The following ABCD3 variants were observed in gnomAD, a reference collection of about 807,000 sequenced individuals.
ABCD3 encodes the protein ATP-binding cassette sub-family D member 3.
In ABCD3, 41 loss-of-function variants were observed where a neutral mutation model predicts 105.5. The observed-to-expected ratio is 0.39, with a 90% confidence interval of 0.30 to 0.50. The LOEUF (loss-of-function observed/expected upper bound fraction) is 0.50, where lower values mean the gene tolerates loss of function less well. Among genes scored for constraint, ABCD3 ranks in the 20% least tolerant of loss-of-function variants. The pLI, the probability that ABCD3 is intolerant of heterozygous loss-of-function variation, is 0.84. For synonymous variants in ABCD3, 258 were observed against 269.0 expected, an observed-to-expected ratio of 0.96 and a Z score of 0.40; for missense variants, 622 against 806.3, an observed-to-expected ratio of 0.77 and a Z score of 2.77.
the ABCD3 span, among the ~76,000 whole-genome samples, chr1:94,398,287 T>C: frequency 6.6e-6 from 1 of 152,214 alleles, no homozygotes; most frequent in African/African-American, 2.4e-5. Context: ...TGCTGACTTG[T>C]AACTTCATTT....
intron 16 of ABCD3, among the ~76,000 whole-genome samples, chr1:94,491,586 T>C (rs558310919): frequency 6.6e-6 from 1 of 152,144 alleles, no homozygotes; most frequent in Non-Finnish European, 1.5e-5. Flanking sequence ...ACTTATGGTG[T>C]GGCTGGTATT....
chr1:94,506,523 T>C lies in ABCD3; in HGVS notation c.1741-15T>C, dbSNP rs377197936. 1.1e-3 allele frequency: 1,786 copies of C among 1,594,640 alleles called. 3 individuals are homozygous for C. Among genetic ancestry groups the C allele is most frequent in the South Asian group, 2.6e-3 (232 of 90,704 alleles). ...CTGCCTGTGTTTTACACAAAAAATT[T>C]TTTTTATGCTTCAGATGGCAAGATT... is the stretch of plus-strand genomic sequence containing the variant. On this transcript the variant is annotated splice_polypyrimidine_tract_variant and intron_variant, in intron 20 of 22. Coordinates refer to ENST00000370214, the MANE Select transcript of ABCD3 (RefSeq NM_002858.4).
chr1:94,478,692 T>C, intron 8 of ABCD3: 3 of 954,698 alleles, frequency 3.1e-6, no homozygotes, highest in Non-Finnish European at 4.4e-6. Context: ...CTTTAAAAAA[T>C]AATAATAAAA....
intron 1 of ABCD3, among the ~76,000 whole-genome samples, chr1:94,427,515 A>G (rs1659511426): frequency 1.3e-5 from 2 of 152,178 alleles, no homozygotes. Flanking sequence ...TCCTAGGATC[A>G]ACATCACACT....
intron 1 of ABCD3, among the ~76,000 whole-genome samples, chr1:94,446,329 C>A (rs1414516655): frequency 6.6e-6 from 1 of 152,178 alleles, no homozygotes; most frequent in Non-Finnish European, 1.5e-5. Flanking sequence ...CCTGGGGAAC[C>A]CCTGCAAAAG....
At chr1:94,453,468 G>A (rs1246688976) in intron 1 of ABCD3, among the ~76,000 whole-genome samples, 3 of 151,632 alleles carry the variant, frequency 2.0e-5, no homozygotes, top group East Asian at 1.9e-4. Flanking sequence ...ACAGGTGCCC[G>A]CCACCTCGCC....
chr1:94,485,584 C>T (rs1466455512), intron 10 of ABCD3, among the ~76,000 whole-genome samples: 1 of 152,136 alleles, frequency 6.6e-6, no homozygotes, highest in African/African-American at 2.4e-5. Context: ...ATTTTCAGCC[C>T]AAATGTTAAC....
At chr1:94,402,830 T>C in the ABCD3 span, among the ~76,000 whole-genome samples, 1 of 152,108 alleles carries the variant, frequency 6.6e-6, no homozygotes. Flanking sequence ...TACTTTAAGT[T>C]TTAGGGTACA....
chr1:94,488,972 C>T (rs946450251), intron 13 of ABCD3, among the ~76,000 whole-genome samples: 1 of 151,738 alleles, frequency 6.6e-6, no homozygotes, highest in Admixed American at 6.6e-5. Context: ...TTAGTGTATA[C>T]AATTTGATGA....
chr1:94,473,849 A>G lies in ABCD3; in HGVS notation c.405+14A>G. On this transcript the variant is annotated intron_variant, in intron 5 of 22. Transcript: ENST00000370214. ...GCCATGCCTCTTGTAAGTTTAATTC[A>G]TTAAAAATCTTTTTAACACGGGAAA... 3 of 1,606,116 alleles carry G rather than the reference A, an allele frequency of 1.9e-6. No individual in the cohort carries two copies. Among genetic ancestry groups the G allele is most frequent in the Non-Finnish European group, 1.7e-6 (2 of 1,173,582 alleles).
Position 94,489,295 on chromosome 1 carries a change from G to A in ABCD3, c.1158-430G>A, listed in dbSNP as rs140981986. On this transcript the variant is annotated intron_variant, in intron 13 of 22. Coordinates refer to ENST00000370214, the MANE Select transcript of ABCD3 (RefSeq NM_002858.4). Reference sequence around the variant, plus strand: ...GTTTGCAGGAAGGCAGCATGCATTCGGCATACATTTAATAAATGCCTTCCT... The same window carrying A: ...GTTTGCAGGAAGGCAGCATGCATTCAGCATACATTTAATAAATGCCTTCCT... 5.7e-3 allele frequency among the ~76,000 whole-genome samples: 868 copies of A among 152,036 alleles called. 9 individuals carry two copies. The highest frequency in any genetic ancestry group is 0.02 in the African/African-American group (811 of 41,496).
intron 21 of ABCD3, among the ~76,000 whole-genome samples, chr1:94,511,292 T>G (rs1014531641): frequency 1.3e-5 from 2 of 152,214 alleles, no homozygotes; most frequent in African/African-American, 4.8e-5. Flanking sequence ...TTGAAAATTC[T>G]TTTCTTTAAG....
chr1:94,516,487 G>A (rs577715189), intron 22 of ABCD3, among the ~76,000 whole-genome samples: 24 of 152,008 alleles, frequency 1.6e-4, no homozygotes, highest in African/African-American at 5.8e-4. Context: ...GACATTGAGA[G>A]GAATTGAGAG....
intron 8 of ABCD3, 71 bp downstream of exon 8, chr1:94,478,386 T>C (rs2101002479): frequency 1.6e-6 from 2 of 1,268,546 alleles, no homozygotes; most frequent in East Asian, 5.0e-5. Context: ...GTGAATAGCT[T>C]GATGGCCTGT....
intron 1 of ABCD3, among the ~76,000 whole-genome samples, chr1:94,441,420 G>T (rs180781504): frequency 1.3e-5 from 2 of 152,232 alleles, no homozygotes; most frequent in Admixed American, 1.3e-4. Context: ...ATGCAGAGGT[G>T]CAGCCTTTGT....
Position 94,515,219 on chromosome 1 carries a change from T to C in ABCD3, c.1902+17T>C, listed in dbSNP as rs768331218. On this transcript the variant is annotated intron_variant, in intron 22 of 22. Coordinates refer to ENST00000370214, the MANE Select transcript of ABCD3 (RefSeq NM_002858.4). ...CATCATGAGGTTTGTATTTCTTTCATTGAATGGTACAGTGAAATTTTATTT... is the reference window on the plus strand; with the variant it reads ...CATCATGAGGTTTGTATTTCTTTCACTGAATGGTACAGTGAAATTTTATTT... The C allele has an allele frequency of 1.6e-5, 26 of 1,586,154 alleles. No homozygotes were observed. The highest frequency in any genetic ancestry group is 8.8e-5 in the South Asian group (8 of 90,570).
At chr1:94,502,915 A>G (rs1373372425) in intron 20 of ABCD3, among the ~76,000 whole-genome samples, 1 of 152,204 alleles carries the variant, frequency 6.6e-6, no homozygotes, top group Non-Finnish European at 1.5e-5. Context: ...GTATGGCTGC[A>G]GTGTGCATAT....
intron 10 of ABCD3, among the ~76,000 whole-genome samples, chr1:94,484,299 A>G (rs558018196): frequency 1.2e-4 from 19 of 152,344 alleles, no homozygotes; most frequent in African/African-American, 4.6e-4. Context: ...TATATACCCA[A>G]AGGATTATAA....
chr1:94,473,858 C>A (rs775843156), intron 5 of ABCD3, 23 bp downstream of exon 5: 9 of 1,582,506 alleles, frequency 5.7e-6, no homozygotes, highest in East Asian at 4.5e-5. Flanking sequence ...CATTAAAAAT[C>A]TTTTTAACAC....
Sources: gnomAD v4.1 joint callset for allele counts (sites outside exome capture counted in the v4.1 genomes callset) on GRCh38, gnomAD v4.1.1 for gene constraint, MANE v1.5 for transcripts, NCBI Gene and HGNC (gene_info 2026-07-23, HGNC 2026-07-21) for gene names.